The following ERCC4 variants were observed in gnomAD, a reference collection of about 807,000 sequenced individuals.
The protein encoded by ERCC4 is ERCC excision repair 4, endonuclease catalytic subunit.
A neutral mutation model predicts 76.9 loss-of-function variants in ERCC4; 65 were observed. The observed-to-expected ratio is 0.84, with a 90% CI of 0.69 to 1.04. The LOEUF is 1.04. Among genes scored for constraint, ERCC4 ranks in the 50% least tolerant of loss-of-function variants. ERCC4 has a pLI of 0.00. For missense variants in ERCC4, 1,214 were observed against 1,128.2 expected (o/e 1.08, Z -1.09); for synonymous variants, 463 against 410.1 (o/e 1.13, Z -1.56).
intron 4 of ERCC4, 144 bp downstream of exon 4, chr16:13,928,379 G>A (rs1199008796): frequency 4.7e-6 from 3 of 643,872 alleles, no homozygotes; most frequent in Admixed American, 5.5e-5. Flanking sequence ...AGCTTCTTTG[G>A]TTTACTGGAA....
chr16:13,937,703 C>T, intron 8 of ERCC4, 63 bp from the exon 9 acceptor site: 1 of 976,250 alleles, frequency 1.0e-6, no homozygotes, highest in Non-Finnish European at 1.7e-6. Flanking sequence ...ACATGTTCTG[C>T]TGTTCCTTTC....
chr16:13,926,448 C>A, intron 2 of ERCC4, 113 bp from the exon 3 acceptor site: 1 of 888,970 alleles, frequency 1.1e-6, no homozygotes, highest in Non-Finnish European at 1.9e-6. Context: ...TGGCTATATG[C>A]CCAGTCTAGA....
chr16:13,920,318 G>C lies in ERCC4; in HGVS notation c.153G>C (p.Leu51=). ...ADRLLYHFLQ[L]HCHPACLVLV... is the part of the protein sequence containing the mutation. ...GGCTCCTCTACCACTTTCTCCAGCT[G>C]CACTGCCACCCAGCCTGCCTGGTGC... is the stretch of plus-strand genomic sequence containing the variant. The change falls in exon 1 of 11, where the codon CTG becomes CTC. Residue 51 remains leucine, a synonymous_variant. Coordinates refer to ENST00000311895, the MANE Select transcript of ERCC4 (RefSeq NM_005236.3). The C allele has an allele frequency of 6.2e-7, 1 of 1,601,450 alleles. No homozygotes were observed. The highest frequency in any genetic ancestry group is 8.5e-7 in the Non-Finnish European group (1 of 1,179,364).
At chr16:13,926,860 C>G in intron 3 of ERCC4, 104 bp downstream of exon 3, 1 of 952,714 alleles carries the variant, frequency 1.0e-6, no homozygotes, top group Non-Finnish European at 1.7e-6. Flanking sequence ...ATGTAAAATT[C>G]ATTGTAATTT....
chr16:13,947,541 C>T (rs547899103), intron 10 of ERCC4, 73 bp from the exon 11 acceptor site: 94 of 1,473,090 alleles, frequency 6.4e-5, no homozygotes, highest in Non-Finnish European at 7.8e-5. Flanking sequence ...ACAGAAACAT[C>T]GATTTTTAGA....
rs2032485845 is a variant in ERCC4, at chr16:13,944,828, GA to G, written c.2013del (p.Ala672ProfsTer13). On this transcript the variant is annotated frameshift_variant, in exon 10 of 11. Coordinates refer to ENST00000311895, the MANE Select transcript of ERCC4 (RefSeq NM_005236.3). LOFTEE classifies it high-confidence loss of function. The stretch of plus-strand genomic sequence containing the variant: ...CTGCAGATGTTTCCACTGACACTCG[GA>G]AAGCCGGTGAGTCCTGCACTTTGTC... ...ASADVSTDTR[K>X]AGGQEQNGTQ... The G allele has an allele frequency of 1.9e-6, 3 of 1,605,868 alleles. No individual in the cohort carries two copies. The highest frequency in any genetic ancestry group is 2.6e-6 in the Non-Finnish European group (3 of 1,172,540).
At chr16:13,930,913 A>G in intron 5 of ERCC4, 23 bp downstream of exon 5, 1 of 1,512,704 alleles carries the variant, frequency 6.6e-7, no homozygotes, top group Admixed American at 1.7e-5. Context: ...AATACTAATA[A>G]TATTCTAAGA....
In ERCC4 at chr16:13,930,729, A is replaced by G; in HGVS notation, c.812A>G (p.Asp271Gly). Residue 271 changes from aspartate (D) to glycine (G), a missense_variant, in exon 5 of 11, where the codon GAT (aspartate) becomes GGT (glycine). Asp to Gly is a moderately conservative substitution (Grantham distance 94). Coordinates refer to ENST00000311895, the MANE Select transcript of ERCC4 (RefSeq NM_005236.3). ...TTTTAGACAATCCGCCATTATCTGG[A>G]TCCTTTGTGGCACCAGCTTGGAGCC... is the stretch of plus-strand genomic sequence containing the variant. ...PFDKTIRHYL[D>G]PLWHQLGAKT... is the part of the protein sequence containing the mutation. The G allele has an allele frequency of 1.2e-6, 2 of 1,613,792 alleles. No homozygotes were observed. The highest frequency in any genetic ancestry group is 1.7e-6 in the Non-Finnish European group (2 of 1,179,716).
chr16:13,942,850 C>T (rs1265300515), intron 9 of ERCC4, among the ~76,000 whole-genome samples: 2 of 152,160 alleles, frequency 1.3e-5, no homozygotes, highest in Non-Finnish European at 2.9e-5. Flanking sequence ...ATAATAATAC[C>T]AAATGAATGT....
At chr16:13,929,387 G>C (rs1019894499) in intron 4 of ERCC4, among the ~76,000 whole-genome samples, 1 of 152,160 alleles carries the variant, frequency 6.6e-6, no homozygotes, top group African/African-American at 2.4e-5. Context: ...TATAAATAGT[G>C]TATCATTTCT....
chr16:13,932,668 T>C (rs1219367021), intron 6 of ERCC4: 3 of 259,254 alleles, frequency 1.2e-5, no homozygotes, highest in Admixed American at 5.1e-5. Flanking sequence ...TCCCAGCCCT[T>C]TGGGAGGCCG....
chr16:13,951,106 C>T lies in ERCC4; in HGVS notation c.*2759C>T, dbSNP rs776910274. ...TACATAAATATATTTCAATGTATTT[C>T]CAGTTTTGGAAAGTTTTCAATACAT... On this transcript the variant is annotated 3_prime_UTR_variant, in exon 11 of 11. Coordinates refer to ENST00000311895, the MANE Select transcript of ERCC4 (RefSeq NM_005236.3). 3.4e-4 allele frequency: 63 copies of T among 186,502 alleles called. No homozygotes were observed. Among genetic ancestry groups the T allele is most frequent in the South Asian group, 5.9e-4 (3 of 5,106 alleles). 11.6% of individuals were successfully genotyped at this position (186,502 alleles called of 1,614,324 possible).
At chr16:13,942,858 T>C (rs1472629209) in intron 9 of ERCC4, among the ~76,000 whole-genome samples, 3 of 152,204 alleles carry the variant, frequency 2.0e-5, no homozygotes, top group African/African-American at 7.2e-5. Context: ...ACCAAATGAA[T>C]GTTAAGGAAA....
chr16:13,949,962 T>C lies in ERCC4; in HGVS notation c.*1615T>C, dbSNP rs1457891083. 2 of 229,010 alleles carry C rather than the reference T, an allele frequency of 8.7e-6. No homozygotes were observed. Among genetic ancestry groups the C allele is most frequent in the Non-Finnish European group, 1.7e-5 (2 of 115,642 alleles). The allele number at this position is 229,010 out of a possible 1,614,324, so 14.2% of individuals were successfully genotyped here. ...ATTGTCTTCAACTTTAACAAAATTG[T>C]CATTGTTATTTTTTTTTGAGACAGA... On this transcript the variant is annotated 3_prime_UTR_variant, in exon 11 of 11. Coordinates refer to ENST00000311895, the MANE Select transcript of ERCC4 (RefSeq NM_005236.3).
intron 7 of ERCC4, 65 bp from the exon 8 acceptor site, chr16:13,935,081 G>A (rs1273791680): frequency 1.7e-6 from 2 of 1,204,574 alleles, no homozygotes; most frequent in Non-Finnish European, 2.5e-6. Flanking sequence ...AAGGAATAAG[G>A]GGGCACAGGG....
intron 8 of ERCC4, among the ~76,000 whole-genome samples, chr16:13,937,086 A>ATTT (rs71150154): frequency 1.6e-5 from 2 of 128,708 alleles, no homozygotes; most frequent in African/African-American, 2.9e-5. Flanking sequence ...TGCTCAACTA[A>ATTT]TTTTTTTTTT....
At chr16:13,920,487 A>C in intron 1 of ERCC4, 115 bp downstream of exon 1, 1 of 942,088 alleles carries the variant, frequency 1.1e-6, no homozygotes, top group Non-Finnish European at 1.6e-6. Flanking sequence ...CAGGCCCCTG[A>C]CACTACGCGA....
intron 9 of ERCC4, among the ~76,000 whole-genome samples, chr16:13,942,212 A>G (rs1376114972): frequency 6.6e-6 from 1 of 152,242 alleles, no homozygotes; most frequent in Non-Finnish European, 1.5e-5. Flanking sequence ...ATTATGCCAC[A>G]TGTTGAAAGC....
Position 13,922,160 on chromosome 16 carries a change from AT to A in ERCC4, c.338del (p.Ile113AsnfsTer7). The A allele has an allele frequency of 6.2e-7, 1 of 1,611,664 alleles. No homozygotes were observed. Among genetic ancestry groups the A allele is most frequent in the Non-Finnish European group, 8.5e-7 (1 of 1,177,732 alleles). ...QGGVIFATSR[I>X]LVVDFLTDRI... ...TGGTGTTATATTTGCGACAAGTAGG[AT>A]ACTTGTGGTTGACTTCTTGACTGAT... is the stretch of plus-strand genomic sequence containing the variant. On this transcript the variant is annotated frameshift_variant, in exon 2 of 11. Coordinates refer to ENST00000311895, the MANE Select transcript of ERCC4 (RefSeq NM_005236.3). LOFTEE classifies it high-confidence loss of function.
Sources: allele counts gnomAD v4.1 joint callset (sites outside exome capture counted in the v4.1 genomes callset), GRCh38; gene constraint gnomAD v4.1.1; transcripts MANE v1.5; gene names NCBI Gene and HGNC (gene_info 2026-07-23, HGNC 2026-07-21).